Variants in UTS2 observed in about 807,000 individuals in gnomAD.
UTS2 encodes the protein urotensin 2, also known as urotensin-2.
In UTS2, 10 loss-of-function variants were observed where a neutral mutation model predicts 12.6. That is an observed-to-expected ratio of 0.80 (90% CI 0.49 to 1.35). UTS2 has a LOEUF of 1.35. Among genes scored for constraint, UTS2 ranks in the 40% most tolerant of loss-of-function variants. UTS2 has a pLI of 0.00. For missense variants in UTS2, 142 were observed against 143.2 expected (o/e 0.99, Z 0.04); for synonymous variants, 52 against 50.0 (o/e 1.04, Z -0.17).
the UTS2 span, among the ~76,000 whole-genome samples, chr1:7,904,351 C>T: frequency 6.6e-6 from 1 of 151,506 alleles, no homozygotes; most frequent in Non-Finnish European, 1.5e-5. Flanking sequence ...GTGGCGCATG[C>T]CTGTAGTCTC....
At chr1:7,861,041 C>CAAAAA in the UTS2 span, among the ~76,000 whole-genome samples, 27 of 74,726 alleles carry the variant, frequency 3.6e-4, no homozygotes, top group African/African-American at 1.0e-3. Flanking sequence ...GGCCTTATCT[C>CAAAAA]AAAAAAAAAA....
At chr1:7,868,699 T>C in the UTS2 span, among the ~76,000 whole-genome samples, 25,772 of 152,234 alleles carry the variant, frequency 0.17, 2,794 homozygotes, top group Middle Eastern at 0.27. Flanking sequence ...TATTAACATT[T>C]ATGAAGGTGT....
At chr1:7,857,081 G>GGGAA (rs1198429816), upstream of UTS2, among the ~76,000 whole-genome samples, 4 of 39,462 alleles carry the variant, frequency 1.0e-4, no homozygotes, top group Non-Finnish European at 1.6e-4. Context: ...GAGAGAGAGA[G>GGGAA]GGAAGGAAGG....
the UTS2 span, among the ~76,000 whole-genome samples, chr1:7,862,552 G>A: frequency 1.3e-5 from 2 of 152,092 alleles, no homozygotes; most frequent in Non-Finnish European, 2.9e-5. Flanking sequence ...GAAGCATGGC[G>A]CTGGCATCTG....
At chr1:7,860,841 G>A in the UTS2 span, among the ~76,000 whole-genome samples, 3 of 151,920 alleles carry the variant, frequency 2.0e-5, no homozygotes, top group South Asian at 4.1e-4. Context: ...TCAGGAGTTC[G>A]AGACCAGCCT....
the UTS2 span, among the ~76,000 whole-genome samples, chr1:7,881,865 C>T: frequency 6.6e-6 from 1 of 152,100 alleles, no homozygotes; most frequent in Non-Finnish European, 1.5e-5. Flanking sequence ...CATCATATTA[C>T]CTGACTTCAA....
chr1:7,879,821 G>A, the UTS2 span, among the ~76,000 whole-genome samples: 1 of 152,080 alleles, frequency 6.6e-6, no homozygotes, highest in Non-Finnish European at 1.5e-5. Flanking sequence ...TACAGCAAAA[G>A]CAGTGCTAAA....
the UTS2 span, among the ~76,000 whole-genome samples, chr1:7,883,010 CA>C: frequency 3.3e-5 from 5 of 149,988 alleles, no homozygotes; most frequent in Admixed American, 1.3e-4. Flanking sequence ...GGAGGTTTCT[CA>C]AAAAAAAACT....
chr1:7,910,483 C>T, the UTS2 span, among the ~76,000 whole-genome samples: 2 of 152,120 alleles, frequency 1.3e-5, no homozygotes, highest in Non-Finnish European at 2.9e-5. Flanking sequence ...CAGATCAGAG[C>T]CTTTTTGTCC....
the UTS2 span, among the ~76,000 whole-genome samples, chr1:7,862,985 GTTGTGTT>G: frequency 4.1e-5 from 3 of 73,790 alleles, no homozygotes; most frequent in East Asian, 5.3e-4. Context: ...TATTTATTGT[GTTGTGTT>G]GTATTGTATT....
At chr1:7,905,626 G>A in the UTS2 span, among the ~76,000 whole-genome samples, 1 of 152,118 alleles carries the variant, frequency 6.6e-6, no homozygotes, top group African/African-American at 2.4e-5. Context: ...GAAAAAGACT[G>A]CAGTGTTCCA....
the UTS2 span, among the ~76,000 whole-genome samples, chr1:7,871,711 CTTA>C: frequency 1.3e-5 from 2 of 152,218 alleles, no homozygotes; most frequent in Non-Finnish European, 2.9e-5. Context: ...CAAACTCTTT[CTTA>C]TTATTATATC....
chr1:7,860,037 C>T, the UTS2 span, among the ~76,000 whole-genome samples: 14 of 151,920 alleles, frequency 9.2e-5, no homozygotes, highest in Non-Finnish European at 1.3e-4. Context: ...AATGAGGAGA[C>T]GACAAGGGTG....
the UTS2 span, among the ~76,000 whole-genome samples, chr1:7,863,541 G>A: frequency 6.6e-6 from 1 of 152,200 alleles, no homozygotes; most frequent in Admixed American, 6.5e-5. Context: ...TACTATGAAA[G>A]CAGAGAGCTC....
the UTS2 span, among the ~76,000 whole-genome samples, chr1:7,887,227 T>C: frequency 1.3e-4 from 20 of 151,958 alleles, no homozygotes; most frequent in Admixed American, 3.3e-4. Context: ...GGTTCCATGA[T>C]GGCATTAGGG....
the UTS2 span, among the ~76,000 whole-genome samples, chr1:7,908,797 G>A: frequency 2.0e-5 from 3 of 148,774 alleles, no homozygotes; most frequent in African/African-American, 7.3e-5. Flanking sequence ...CAAAGGAGGA[G>A]CAAAGGCACA....
the UTS2 span, among the ~76,000 whole-genome samples, chr1:7,898,287 G>A: frequency 1.3e-5 from 2 of 152,170 alleles, no homozygotes; most frequent in South Asian, 2.1e-4. Flanking sequence ...AAGGAGTACC[G>A]CAAGCTGTCC....
the UTS2 span, among the ~76,000 whole-genome samples, chr1:7,884,914 CCATT>C: frequency 3.5e-3 from 525 of 150,732 alleles, 17 homozygotes; most frequent in East Asian, 0.072. Flanking sequence ...ATCCATGCAT[CCATT>C]CATCCATCCA....
the UTS2 span, among the ~76,000 whole-genome samples, chr1:7,858,993 A>T: frequency 6.6e-6 from 1 of 152,230 alleles, no homozygotes; most frequent in Admixed American, 6.5e-5. Flanking sequence ...CTATTCACTG[A>T]TTGCCAAATA....
Sources: gnomAD v4.1 joint callset for allele counts (sites outside exome capture counted in the v4.1 genomes callset) on GRCh38, gnomAD v4.1.1 for gene constraint, MANE v1.5 for transcripts, NCBI Gene and HGNC (gene_info 2026-07-23, HGNC 2026-07-21) for gene names.